Variants in SORCS3 observed in about 807,000 individuals in gnomAD.
SORCS3 encodes the protein VPS10 domain-containing receptor SorCS3.
In SORCS3, 57 loss-of-function variants were observed where a neutral mutation model predicts 146.3. The ratio of observed to expected loss-of-function variants is 0.39; its 90% CI spans 0.31 to 0.49. The LOEUF (loss-of-function observed/expected upper bound fraction) is 0.49. SORCS3 is among the 20% of genes least tolerant of loss of function. The probability of loss-of-function intolerance (pLI) is 0.92; values close to 1 mark genes in which losing one functional copy is unlikely to be tolerated. For missense variants in SORCS3, 1,341 were observed against 1,575.5 expected (o/e 0.85, Z 2.52); for synonymous variants, 653 against 618.5 (o/e 1.06, Z -0.83).
chr10:104,810,212 A>T (rs1053944231), intron 1 of SORCS3, among the ~76,000 whole-genome samples: 15 of 152,238 alleles, frequency 9.9e-5, no homozygotes, highest in African/African-American at 3.4e-4. Flanking sequence ...AATATAAAAG[A>T]AATAGGAGTA....
chr10:104,791,697 C>G (rs898470699), intron 1 of SORCS3, among the ~76,000 whole-genome samples: 1 of 152,166 alleles, frequency 6.6e-6, no homozygotes, highest in Non-Finnish European at 1.5e-5. Flanking sequence ...ATGTCTGACA[C>G]CTTTTCACTT....
chr10:104,976,612 A>G lies in SORCS3; in HGVS notation c.796-723A>G, dbSNP rs1355401640. Among the ~76,000 whole-genome samples, 6 of 152,140 alleles carry G rather than the reference A, an allele frequency of 3.9e-5. No homozygotes were observed. The East Asian group carries it at 7.7e-4, about 20-fold the overall frequency. On this transcript the variant is annotated intron_variant, in intron 3 of 26. Coordinates refer to ENST00000369701, the MANE Select transcript of SORCS3 (RefSeq NM_014978.3). ...TGCTGCTATAAAGACACATGCACAC[A>G]TATGTTTATTGCAGCACTATTCACA...
In SORCS3 at chr10:105,104,827, C is replaced by T. The variant is rs1010721293; in HGVS notation, c.1094-570C>T. On this transcript the variant is annotated intron_variant, in intron 6 of 26. Transcript: ENST00000369701. ...AGAACAGTGCGTTTTGGAGAAATTA[C>T]CATGTTGAAGCATACGTATCCACCG... Among the ~76,000 whole-genome samples, 28 of 152,266 alleles carry T rather than the reference C, an allele frequency of 1.8e-4. No individual in the cohort carries two copies. The East Asian group carries it at 5.2e-3, about 28-fold the overall frequency.
At chr10:104,686,429 C>T (rs2016044014) in intron 1 of SORCS3, among the ~76,000 whole-genome samples, 3 of 152,090 alleles carry the variant, frequency 2.0e-5, no homozygotes, top group Admixed American at 2.0e-4. Context: ...CTGACTCACC[C>T]CTGCACCAGC....
chr10:104,857,089 T>C (rs2133557566), intron 2 of SORCS3, among the ~76,000 whole-genome samples: 1 of 146,984 alleles, frequency 6.8e-6, no homozygotes, highest in Admixed American at 7.1e-5. Flanking sequence ...TGATGAGTGG[T>C]GTGAGGGGAT....
Position 105,256,992 on chromosome 10 carries a change from A to C in SORCS3, c.3443+68A>C, listed in dbSNP as rs928670522. 4.8e-5 allele frequency: 50 copies of C among 1,047,164 alleles called. No individual in the cohort carries two copies. In the African/African-American group the frequency reaches 7.2e-4, roughly 15 times the overall value. 64.9% of individuals were successfully genotyped at this position (1,047,164 alleles called of 1,614,324 possible). A position where few individuals can be genotyped will look rare whatever the true frequency, so the allele number is the denominator to read the frequency against. ...ATTGCAAATGATTCTTCCTATAACT[A>C]ACTTTACTAAACTCATCGCAAGAAT... On this transcript the variant is annotated intron_variant, in intron 25 of 26. Coordinates refer to ENST00000369701, the MANE Select transcript of SORCS3 (RefSeq NM_014978.3).
chr10:104,667,257 C>T lies in SORCS3; in HGVS notation c.627+25303C>T, dbSNP rs375659029. Among the ~76,000 whole-genome samples, 22 of 152,302 alleles carry T rather than the reference C, an allele frequency of 1.4e-4. No individual in the cohort carries two copies. In the East Asian group the frequency reaches 3.7e-3, roughly 25 times the overall value. The stretch of plus-strand genomic sequence containing the variant: ...ATATGTACTGACTTTCCCGAGCTCA[C>T]GTGCTGGGCCCCACAACCAATACCC... On this transcript the variant is annotated intron_variant, in intron 1 of 26. Transcript: ENST00000369701.
chr10:104,672,398 A>G (rs778019274), intron 1 of SORCS3, among the ~76,000 whole-genome samples: 34 of 151,970 alleles, frequency 2.2e-4, no homozygotes, highest in Non-Finnish European at 2.5e-4. Flanking sequence ...TGTCAATCTC[A>G]TTGATCTTTT....
chr10:105,226,416 T>C (rs957106877), intron 20 of SORCS3, among the ~76,000 whole-genome samples: 1 of 152,008 alleles, frequency 6.6e-6, no homozygotes, highest in Non-Finnish European at 1.5e-5. Flanking sequence ...AAGTTGATCT[T>C]GATGTATATT....
intron 3 of SORCS3, among the ~76,000 whole-genome samples, chr10:104,947,687 A>G (rs2019387474): frequency 6.6e-6 from 1 of 152,124 alleles, no homozygotes; most frequent in Admixed American, 6.5e-5. Context: ...CAGTGGCGCA[A>G]TCTTGGCTCA....
chr10:104,802,371 C>T (rs1268976601), intron 1 of SORCS3, among the ~76,000 whole-genome samples: 2 of 152,172 alleles, frequency 1.3e-5, no homozygotes, highest in African/African-American at 2.4e-5. Context: ...TTTTCAAAAT[C>T]TTGTAATAGT....
intron 12 of SORCS3, 52 bp downstream of exon 12, chr10:105,164,431 C>A: frequency 1.7e-6 from 2 of 1,172,792 alleles, no homozygotes; most frequent in Non-Finnish European, 2.6e-6. Flanking sequence ...TAAGTTCTAC[C>A]AATCTCTCTC....
Position 104,735,645 on chromosome 10 carries a change from G to A in SORCS3, c.627+93691G>A, listed in dbSNP as rs531317247. 9.2e-4 allele frequency among the ~76,000 whole-genome samples: 140 copies of A among 151,966 alleles called. 4 individuals are homozygous for A. In the South Asian group the frequency reaches 0.029, roughly 31 times the overall value. On this transcript the variant is annotated intron_variant, in intron 1 of 26. Coordinates refer to ENST00000369701, the MANE Select transcript of SORCS3 (RefSeq NM_014978.3). ...AAGCTTCAAGATCAGCAGTGATAGC[G>A]GAAATTAATGAAAGCGGCTGCTGAG...
intron 1 of SORCS3, among the ~76,000 whole-genome samples, chr10:104,736,576 C>G (rs530647214): frequency 6.6e-6 from 1 of 152,230 alleles, no homozygotes; most frequent in East Asian, 1.9e-4. Context: ...GTCAGCATCC[C>G]CCAACATCTA....
At chr10:104,960,285 C>G (rs1215762409) in intron 3 of SORCS3, among the ~76,000 whole-genome samples, 4 of 152,140 alleles carry the variant, frequency 2.6e-5, no homozygotes, top group Admixed American at 2.6e-4. Context: ...CTTCCTTCTC[C>G]TAAATATAAT....
At chr10:104,972,598 A>T (rs1207596981) in intron 3 of SORCS3, among the ~76,000 whole-genome samples, 1 of 152,026 alleles carries the variant, frequency 6.6e-6, no homozygotes, top group East Asian at 1.9e-4. Flanking sequence ...GCTGTGATTA[A>T]CAGTGGCATG....
At chr10:104,852,370 T>C (rs572044704) in intron 2 of SORCS3, among the ~76,000 whole-genome samples, 2 of 152,336 alleles carry the variant, frequency 1.3e-5, no homozygotes, top group East Asian at 3.9e-4. Context: ...CAACCATTCA[T>C]GTTTCATGTG....
At chr10:105,252,991 G>A (rs1456553489) in intron 23 of SORCS3, 85 bp downstream of exon 23, 2 of 1,501,562 alleles carry the variant, frequency 1.3e-6, no homozygotes, top group African/African-American at 2.8e-5. Context: ...CAGAAAGGGA[G>A]ACAGGCTCTC....
chr10:104,903,610 G>A (rs1300703704), intron 2 of SORCS3, among the ~76,000 whole-genome samples: 2 of 152,194 alleles, frequency 1.3e-5, no homozygotes, highest in African/African-American at 4.8e-5. Flanking sequence ...TGGGACCCAG[G>A]AGTTGTTTTG....
Sources: gnomAD v4.1 joint callset for allele counts (sites outside exome capture counted in the v4.1 genomes callset) on GRCh38, gnomAD v4.1.1 for gene constraint, MANE v1.5 for transcripts, NCBI Gene and HGNC (gene_info 2026-07-23, HGNC 2026-07-21) for gene names.